The following ABCA13 variants were observed in gnomAD, a reference collection of about 807,000 sequenced individuals.
ABCA13 encodes the protein ATP binding cassette subfamily A member 13.
ABCA13 carries 476 observed loss-of-function variants against 478.7 expected under a neutral mutation model. The ratio of observed to expected loss-of-function variants is 0.99; its 90% CI spans 0.92 to 1.07. ABCA13 has a LOEUF of 1.07. Ranked by LOEUF, ABCA13 falls within the 50% of genes least tolerant of loss-of-function variation. ABCA13 has a pLI of 0.00. For missense variants in ABCA13, 6,060 were observed against 5,910.6 expected (o/e 1.03, Z -0.83); for synonymous variants, 2,252 against 2,158.9 (o/e 1.04, Z -1.20).
chr7:48,301,147 CACAAA>C (rs1800097359), intron 23 of ABCA13, among the ~76,000 whole-genome samples: 2 of 151,888 alleles, frequency 1.3e-5, no homozygotes, highest in Non-Finnish European at 2.9e-5. Flanking sequence ...CTCCCCGCGC[CACAAA>C]TCTTAAGGAG....
rs527733241 is a variant in ABCA13, at chr7:48,406,315, G to T, written c.12070+2436G>T. Among the ~76,000 whole-genome samples, 129 of 152,332 alleles carry T rather than the reference G, an allele frequency of 8.5e-4. 2 individuals are homozygous for T. Among genetic ancestry groups the T allele is most frequent in the Admixed American group, 8.4e-3 (128 of 15,296 alleles). Reference sequence around the variant, plus strand: ...TCTACAAATCCCATGTGACCCTGCAGAAATGATCAAATGCTTCTGAGCTTC... The same window carrying T: ...TCTACAAATCCCATGTGACCCTGCATAAATGATCAAATGCTTCTGAGCTTC... On this transcript the variant is annotated intron_variant, in intron 39 of 61. Transcript: ENST00000435803.
chr7:48,240,808 A>G, intron 9 of ABCA13, 59 bp from the exon 10 acceptor site: 1 of 1,386,396 alleles, frequency 7.2e-7, no homozygotes. Context: ...TCTTAACTAA[A>G]TACTGTTCTT....
At chr7:48,579,010 G>A (rs1788450836) in intron 55 of ABCA13, among the ~76,000 whole-genome samples, 1 of 152,202 alleles carries the variant, frequency 6.6e-6, no homozygotes, top group South Asian at 2.1e-4. Flanking sequence ...TGACCTGATT[G>A]TAAAATACAA....
Position 48,404,048 on chromosome 7 carries a change from T to C in ABCA13, c.12070+169T>C, listed in dbSNP as rs116354312. The C allele has an allele frequency of 8.8e-4, 670 of 761,536 alleles. 2 individuals carry two copies. In the African/African-American group the frequency reaches 9.7e-3, roughly 11 times the overall value. The allele number at this position is 761,536 out of a possible 1,614,324, so 47.2% of individuals were successfully genotyped here. On this transcript the variant is annotated intron_variant, in intron 39 of 61. Transcript: ENST00000435803. ...ATAGGGATATATTCGTTAGATAACA[T>C]CTCTATAGTGCTTAGAATTGCTTAC...
At chr7:48,393,081 T>C (rs558167597) in intron 38 of ABCA13, among the ~76,000 whole-genome samples, 25 of 152,090 alleles carry the variant, frequency 1.6e-4, no homozygotes, top group Non-Finnish European at 2.6e-4. Flanking sequence ...TGGACATTGA[T>C]AGAAGTTTAG....
At chr7:48,191,325 C>G (rs1409228126) in intron 1 of ABCA13, among the ~76,000 whole-genome samples, 1 of 152,206 alleles carries the variant, frequency 6.6e-6, no homozygotes, top group Non-Finnish European at 1.5e-5. Context: ...AGGACTGTGT[C>G]AGAGAACTTT....
At chr7:48,356,983 A>G (rs906441126) in intron 31 of ABCA13, among the ~76,000 whole-genome samples, 3 of 151,852 alleles carry the variant, frequency 2.0e-5, no homozygotes, top group South Asian at 2.1e-4. Context: ...TATTTCCTCT[A>G]TTGCTTTTTG....
At chr7:48,242,884 C>T (rs1791064992) in intron 10 of ABCA13, 1 of 152,244 alleles carries the variant, frequency 6.6e-6, no homozygotes, top group African/African-American at 2.4e-5. Flanking sequence ...ATCTTTTTCT[C>T]TTCCTAAGCT....
chr7:48,544,255 A>C (rs979671834), intron 55 of ABCA13, among the ~76,000 whole-genome samples: 1 of 151,756 alleles, frequency 6.6e-6, no homozygotes, highest in African/African-American at 2.4e-5. Context: ...TGTGCAATAT[A>C]TATTTTTGTC....
chr7:48,444,423 A>C (rs1485882101), intron 42 of ABCA13, among the ~76,000 whole-genome samples: 2 of 152,170 alleles, frequency 1.3e-5, no homozygotes, highest in South Asian at 2.1e-4. Context: ...TGACCAGCAC[A>C]TCACTAGTTT....
chr7:48,306,713 T>C (rs1158842409), intron 23 of ABCA13, among the ~76,000 whole-genome samples: 1 of 152,212 alleles, frequency 6.6e-6, no homozygotes. Flanking sequence ...TTAATATCCT[T>C]TCTTAAAGAC....
chr7:48,342,817 A>G (rs901921803), intron 29 of ABCA13, among the ~76,000 whole-genome samples: 3 of 152,118 alleles, frequency 2.0e-5, no homozygotes, highest in African/African-American at 7.2e-5. Context: ...CTAGTTTTTT[A>G]ATCGACAAAT....
chr7:48,410,803 C>T (rs1781753828), intron 40 of ABCA13, 126 bp downstream of exon 40: 3 of 1,338,444 alleles, frequency 2.2e-6, no homozygotes, highest in Non-Finnish European at 3.1e-6. Flanking sequence ...GGCCCACATG[C>T]CAAAATAAGT....
chr7:48,401,407 A>G (rs1029568881), intron 38 of ABCA13, among the ~76,000 whole-genome samples: 1 of 152,224 alleles, frequency 6.6e-6, no homozygotes, highest in Non-Finnish European at 1.5e-5. Flanking sequence ...TTCTACTTTA[A>G]GTTGGACCTC....
rs1213878589 is a variant in ABCA13 at position 48,350,814 on chromosome 7, TGG to T, written c.10377_10378del (p.Leu3459PhefsTer57). 1.2e-6 allele frequency: 2 copies of T among 1,613,402 alleles called. No individual in the cohort carries two copies. The highest frequency in any genetic ancestry group is 1.7e-6 in the Non-Finnish European group (2 of 1,179,554). On this transcript the variant is annotated frameshift_variant, in exon 30 of 62. Coordinates refer to ENST00000435803, the MANE Select transcript of ABCA13 (RefSeq NM_152701.5). LOFTEE classifies it high-confidence loss of function. Reference sequence around the variant, plus strand: ...GAACTCTTGCAGCAGAACAGCTTCTTGGCCAGTAAGTACTCAATGAAAAAATA... The same window carrying T: ...GAACTCTTGCAGCAGAACAGCTTCTTCCAGTAAGTACTCAATGAAAAAATA...
chr7:48,434,738 A>C (rs1822597965), intron 42 of ABCA13, among the ~76,000 whole-genome samples: 1 of 152,048 alleles, frequency 6.6e-6, no homozygotes, highest in African/African-American at 2.4e-5. Context: ...GATATCCAGT[A>C]TTCCCCACAT....
At chr7:48,613,116 T>C (rs529485893) in intron 58 of ABCA13, among the ~76,000 whole-genome samples, 38 of 152,244 alleles carry the variant, frequency 2.5e-4, no homozygotes, top group African/African-American at 9.1e-4. Flanking sequence ...TATTATTTTG[T>C]TTTAAACTAA....
chr7:48,522,556 C>T (rs941624029), intron 53 of ABCA13, among the ~76,000 whole-genome samples: 5 of 152,126 alleles, frequency 3.3e-5, no homozygotes, highest in Non-Finnish European at 5.9e-5. Context: ...TGAATTCTTC[C>T]TATTTAATAC....
intron 58 of ABCA13, among the ~76,000 whole-genome samples, chr7:48,605,701 C>T (rs1460863893): frequency 2.0e-5 from 3 of 152,052 alleles, no homozygotes; most frequent in Non-Finnish European, 4.4e-5. Context: ...TGGGGTTGCT[C>T]TTCTCAAGGA....
Sources: allele counts gnomAD v4.1 joint callset (sites outside exome capture counted in the v4.1 genomes callset), GRCh38; gene constraint gnomAD v4.1.1; transcripts MANE v1.5; gene names NCBI Gene and HGNC (gene_info 2026-07-23, HGNC 2026-07-21).